The following ZBTB20 variants were observed in gnomAD, a reference collection of about 807,000 sequenced individuals.
The protein encoded by ZBTB20 is zinc finger and BTB domain containing 20, also known as zinc finger and BTB domain-containing protein 20.
ZBTB20 carries 9 observed loss-of-function variants against 56.9 expected under a neutral mutation model. The ratio of observed to expected loss-of-function variants is 0.16; its 90% CI spans 0.10 to 0.28. ZBTB20 has a LOEUF of 0.28. Among genes scored for constraint, ZBTB20 ranks in the 10% least tolerant of loss-of-function variants. The probability of loss-of-function intolerance (pLI) is 1.00; values close to 1 mark genes in which losing one functional copy is unlikely to be tolerated. For missense variants in ZBTB20, 655 were observed against 1,003.0 expected, an observed-to-expected ratio of 0.65 and a Z score of 4.69; for synonymous variants, 417 against 420.7, an observed-to-expected ratio of 0.99 and a Z score of 0.11.
chr3:114,474,079 A>T (rs138222178), intron 7 of ZBTB20, among the ~76,000 whole-genome samples: 2,817 of 152,258 alleles, frequency 0.019, 42 homozygotes, highest in Middle Eastern at 0.034. Context: ...AAACCATCAG[A>T]TCTCTTGAGA....
chr3:115,113,672 T>A (rs2083941577), intron 1 of ZBTB20, among the ~76,000 whole-genome samples: 1 of 152,224 alleles, frequency 6.6e-6, no homozygotes, highest in African/African-American at 2.4e-5. Flanking sequence ...TTACATATTA[T>A]CCTGGATTCT....
chr3:114,977,539 A>T (rs1367015708), intron 2 of ZBTB20, among the ~76,000 whole-genome samples: 1 of 152,150 alleles, frequency 6.6e-6, no homozygotes, highest in East Asian at 1.9e-4. Flanking sequence ...TATGGGGTAA[A>T]TGTTACAAGT....
intron 1 of ZBTB20, among the ~76,000 whole-genome samples, chr3:115,113,107 C>CT (rs1430383826): frequency 6.6e-6 from 1 of 152,132 alleles, no homozygotes; most frequent in Non-Finnish European, 1.5e-5. Context: ...TGAGAAATGT[C>CT]TACTCATGTC....
At chr3:114,393,032 C>G (rs183343763) in intron 7 of ZBTB20, among the ~76,000 whole-genome samples, 17 of 152,334 alleles carry the variant, frequency 1.1e-4, no homozygotes, top group African/African-American at 4.1e-4. Flanking sequence ...CTCACTGTTA[C>G]TCACCAGAGG....
intron 2 of ZBTB20, among the ~76,000 whole-genome samples, chr3:114,984,738 G>T (rs1275883038): frequency 6.6e-6 from 1 of 151,908 alleles, no homozygotes; most frequent in Non-Finnish European, 1.5e-5. Flanking sequence ...GTTTAGAAAA[G>T]ACTAATCAAT....
At chr3:114,496,603 A>G (rs187204507) in intron 7 of ZBTB20, among the ~76,000 whole-genome samples, 8 of 152,294 alleles carry the variant, frequency 5.3e-5, no homozygotes, top group African/African-American at 1.4e-4. Flanking sequence ...ATGAAACATA[A>G]GCTGTTGAAA....
intron 2 of ZBTB20, among the ~76,000 whole-genome samples, chr3:115,050,418 TG>T (rs1045277538): frequency 6.6e-6 from 1 of 151,920 alleles, no homozygotes; most frequent in Non-Finnish European, 1.5e-5. Context: ...TAGAGTTATT[TG>T]GGGGCATGTA....
chr3:114,633,598 T>C (rs1348590037), intron 6 of ZBTB20, among the ~76,000 whole-genome samples: 3 of 152,172 alleles, frequency 2.0e-5, no homozygotes, highest in African/African-American at 7.2e-5. Flanking sequence ...GATTTTTACC[T>C]GTTCTCATTC....
At chr3:114,984,675 T>C (rs2078462507) in intron 2 of ZBTB20, among the ~76,000 whole-genome samples, 1 of 152,098 alleles carries the variant, frequency 6.6e-6, no homozygotes, top group Non-Finnish European at 1.5e-5. Flanking sequence ...AACAGTTGAT[T>C]CAGATACAAT....
chr3:114,770,250 C>T (rs966375080), intron 5 of ZBTB20, among the ~76,000 whole-genome samples: 6 of 151,852 alleles, frequency 4.0e-5, no homozygotes, highest in African/African-American at 1.5e-4. Context: ...ACCAGCCTGG[C>T]CAACATGGTG....
chr3:114,866,417 A>C (rs2075766275), intron 4 of ZBTB20, among the ~76,000 whole-genome samples: 1 of 152,160 alleles, frequency 6.6e-6, no homozygotes, highest in South Asian at 2.1e-4. Context: ...TGTCTACTTC[A>C]TGGGGTTTGG....
At chr3:114,857,531 A>G (rs1036856573) in intron 4 of ZBTB20, among the ~76,000 whole-genome samples, 1 of 152,204 alleles carries the variant, frequency 6.6e-6, no homozygotes, top group Non-Finnish European at 1.5e-5. Flanking sequence ...AATTCTTACT[A>G]GCGCCGTTAT....
intron 4 of ZBTB20, among the ~76,000 whole-genome samples, chr3:114,801,401 A>T (rs1325979801): frequency 6.8e-6 from 1 of 146,694 alleles, no homozygotes; most frequent in African/African-American, 2.5e-5. Flanking sequence ...TCTAAAGAGG[A>T]GAAAAAAAGC....
intron 6 of ZBTB20, among the ~76,000 whole-genome samples, chr3:114,654,478 G>T (rs1247058136): frequency 6.6e-6 from 1 of 151,250 alleles, no homozygotes; most frequent in Non-Finnish European, 1.5e-5. Context: ...TAAACAAGAA[G>T]CATATTTTGT....
intron 1 of ZBTB20, among the ~76,000 whole-genome samples, chr3:115,092,988 T>A (rs931711835): frequency 6.6e-6 from 1 of 152,140 alleles, no homozygotes; most frequent in South Asian, 2.1e-4. Flanking sequence ...ATTATCTACA[T>A]ATATAGCTAC....
intron 4 of ZBTB20, among the ~76,000 whole-genome samples, chr3:114,868,997 T>C (rs1028816768): frequency 6.6e-6 from 1 of 152,120 alleles, no homozygotes; most frequent in Admixed American, 6.6e-5. Flanking sequence ...CATAAAGACC[T>C]TATGAATCTT....
chr3:114,354,638 G>C (rs1240095593), intron 10 of ZBTB20, among the ~76,000 whole-genome samples: 1 of 137,972 alleles, frequency 7.2e-6, no homozygotes, highest in African/African-American at 2.7e-5. Flanking sequence ...CTGGAGTGCA[G>C]TGGCACAATC....
chr3:114,473,289 A>C (rs1309821884), intron 7 of ZBTB20, among the ~76,000 whole-genome samples: 2 of 152,228 alleles, frequency 1.3e-5, no homozygotes, highest in Non-Finnish European at 2.9e-5. Flanking sequence ...TGTGTCTTTC[A>C]AATACTTTAA....
chr3:114,593,129 C>T (rs922176850), intron 6 of ZBTB20, among the ~76,000 whole-genome samples: 1 of 152,106 alleles, frequency 6.6e-6, no homozygotes, highest in African/African-American at 2.4e-5. Context: ...ACGACACTGT[C>T]CCCTGGGATA....
Sources: allele counts gnomAD v4.1 joint callset (sites outside exome capture counted in the v4.1 genomes callset), GRCh38; gene constraint gnomAD v4.1.1; transcripts MANE v1.5; gene names NCBI Gene and HGNC (gene_info 2026-07-23, HGNC 2026-07-21).